The following NRG1 variants were observed in gnomAD, a reference collection of about 807,000 sequenced individuals.
The protein encoded by NRG1 is pro-neuregulin-1, membrane-bound isoform.
A neutral mutation model predicts 63.8 loss-of-function variants in NRG1; 18 were observed. That is an observed-to-expected ratio of 0.28 (90% confidence interval 0.19 to 0.42). NRG1 has a LOEUF of 0.42. Ranked by LOEUF, NRG1 falls within the 10% of genes least tolerant of loss-of-function variation. The pLI, the probability that NRG1 is intolerant of heterozygous loss-of-function variation, is 1.00. For synonymous variants in NRG1, 302 were observed against 301.3 expected (o/e 1.00, Z -0.02); for missense variants, 762 against 814.7 (o/e 0.94, Z 0.79).
At chr8:31,785,909 C>G (rs562618751) in intron 1 of NRG1, among the ~76,000 whole-genome samples, 1 of 152,216 alleles carries the variant, frequency 6.6e-6, no homozygotes, top group South Asian at 2.1e-4. Flanking sequence ...ACTTCACCTC[C>G]CATTTAAAAC....
intron 1 of NRG1, among the ~76,000 whole-genome samples, chr8:32,080,806 T>TCA (rs1827354186): frequency 8.2e-6 from 1 of 121,470 alleles, no homozygotes; most frequent in East Asian, 2.4e-4. Context: ...TGTGTGTGTG[T>TCA]GTGACAGAGA....
chr8:31,700,622 A>C (rs368918178), intron 1 of NRG1, among the ~76,000 whole-genome samples: 7 of 152,198 alleles, frequency 4.6e-5, no homozygotes, highest in Non-Finnish European at 1.0e-4. Context: ...GAATTGCATC[A>C]GGGTGCCTGG....
chr8:32,440,992 A>G (rs895415275), intron 1 of NRG1, among the ~76,000 whole-genome samples: 3 of 152,196 alleles, frequency 2.0e-5, no homozygotes, highest in Non-Finnish European at 4.4e-5. Context: ...TTTTCTTCTC[A>G]TATTCTGAAA....
intron 1 of NRG1, among the ~76,000 whole-genome samples, chr8:31,851,704 C>G (rs1188336077): frequency 6.6e-6 from 1 of 151,104 alleles, no homozygotes; most frequent in Non-Finnish European, 1.5e-5. Context: ...GTGCGCTGCA[C>G]CCACTAACTC....
At chr8:32,489,625 C>T (rs1826311562) in intron 1 of NRG1, among the ~76,000 whole-genome samples, 1 of 152,064 alleles carries the variant, frequency 6.6e-6, no homozygotes, top group Admixed American at 6.6e-5. Flanking sequence ...TTTGTGAGCC[C>T]AGGACTGCAG....
At chr8:31,865,792 A>G (rs1828904275) in intron 1 of NRG1, among the ~76,000 whole-genome samples, 1 of 152,174 alleles carries the variant, frequency 6.6e-6, no homozygotes, top group South Asian at 2.1e-4. Context: ...TCATAGTAGC[A>G]TGAGAGCAGA....
intron 1 of NRG1, among the ~76,000 whole-genome samples, chr8:31,926,784 C>CT (rs1184009459): frequency 1.3e-5 from 2 of 151,974 alleles, no homozygotes; most frequent in Non-Finnish European, 2.9e-5. Context: ...GGGAAAATGG[C>CT]CAAGAAGAAG....
intron 1 of NRG1, among the ~76,000 whole-genome samples, chr8:31,738,304 C>T (rs1441121391): frequency 6.6e-6 from 1 of 152,078 alleles, no homozygotes; most frequent in African/African-American, 2.4e-5. Flanking sequence ...CCCTCTTCTG[C>T]CTTTCAAAGG....
chr8:31,654,523 G>A (rs1414989516), intron 1 of NRG1, among the ~76,000 whole-genome samples: 1 of 152,236 alleles, frequency 6.6e-6, no homozygotes, highest in Non-Finnish European at 1.5e-5. Context: ...GCCATCGGCT[G>A]TTCGGCTTTG....
In NRG1 at chr8:32,630,200, A is replaced by G. The variant is rs576247670; in HGVS notation, c.502+13315A>G. Among the ~76,000 whole-genome samples the G allele has an allele frequency of 2.0e-5, 3 of 152,270 alleles. No homozygotes were observed. In the East Asian group the frequency reaches 5.8e-4, roughly 29 times the overall value. On this transcript the variant is annotated intron_variant, in intron 5 of 11. Coordinates refer to ENST00000356819, the Ensembl canonical transcript of NRG1. ...CTCTATGCTACTAGTCTAAAGGGCA[A>G]ATGATAATTGCAGCTACTTTCAGAA... is the stretch of plus-strand genomic sequence containing the variant.
intron 1 of NRG1, among the ~76,000 whole-genome samples, chr8:32,182,450 T>C (rs1036866077): frequency 2.0e-5 from 3 of 152,196 alleles, no homozygotes; most frequent in African/African-American, 7.2e-5. Flanking sequence ...TTTCACCATG[T>C]TGGCCAGGCT....
intron 1 of NRG1, among the ~76,000 whole-genome samples, chr8:32,098,161 T>TG (rs1830127588): frequency 1.5e-5 from 2 of 130,612 alleles, no homozygotes; most frequent in African/African-American, 5.3e-5. Flanking sequence ...ATAAAGGCAT[T>TG]TCAGGCTAGA....
intron 1 of NRG1, among the ~76,000 whole-genome samples, chr8:31,717,052 T>G (rs1812417061): frequency 6.6e-6 from 1 of 152,228 alleles, no homozygotes; most frequent in South Asian, 2.1e-4. Flanking sequence ...CTTTCTGTTC[T>G]GTCATTTTAA....
At chr8:32,545,520 C>A (rs62500193), upstream of NRG1, among the ~76,000 whole-genome samples, 24,103 of 151,208 alleles carry the variant, frequency 0.16, 2,082 homozygotes, top group Middle Eastern at 0.2. Context: ...TTCTCCATCC[C>A]TTGTTCTGGT....
chr8:32,180,005 C>T lies in NRG1; in HGVS notation c.38-415823C>T, dbSNP rs1841264482. Among the ~76,000 whole-genome samples, 4 of 152,194 alleles carry T rather than the reference C, an allele frequency of 2.6e-5. No individual in the cohort carries two copies. In the South Asian group the frequency reaches 8.3e-4, roughly 32 times the overall value. ...TAATGCCATTCCTCTTCTATACTTC[C>T]ATTTTTTAAACCTGAGCATATATTT... On this transcript the variant is annotated intron_variant, in intron 1 of 10. Coordinates refer to the NRG1 transcript ENST00000519301.
chr8:31,807,948 C>T (rs78902421), intron 1 of NRG1, among the ~76,000 whole-genome samples: 2,141 of 137,262 alleles, frequency 0.016, 122 homozygotes, highest in African/African-American at 0.047. Flanking sequence ...AGAGTATTCG[C>T]GTGTGTGTGT....
chr8:32,515,579 A>G (rs1418525781), intron 1 of NRG1, among the ~76,000 whole-genome samples: 1 of 152,040 alleles, frequency 6.6e-6, no homozygotes, highest in South Asian at 2.1e-4. Context: ...AATAGCTGGA[A>G]CTACATATGT....
At chr8:31,802,889 T>C (rs1247694208) in intron 1 of NRG1, among the ~76,000 whole-genome samples, 2 of 152,204 alleles carry the variant, frequency 1.3e-5, no homozygotes, top group African/African-American at 4.8e-5. Context: ...CATATTCAGA[T>C]TTTTAAATAG....
At chr8:32,091,159 T>C (rs1002143154) in intron 1 of NRG1, among the ~76,000 whole-genome samples, 5 of 151,326 alleles carry the variant, frequency 3.3e-5, no homozygotes, top group Non-Finnish European at 5.9e-5. Flanking sequence ...GTGCCTGTAG[T>C]CCCAGCTACT....
Sources: allele counts gnomAD v4.1 joint callset (sites outside exome capture counted in the v4.1 genomes callset), GRCh38; gene constraint gnomAD v4.1.1; transcripts MANE v1.5; gene names NCBI Gene and HGNC (gene_info 2026-07-23, HGNC 2026-07-21).